The following NCAM2 variants were observed in gnomAD, a reference collection of about 807,000 sequenced individuals.
NCAM2 encodes the protein neural cell adhesion molecule 2, also known as N-CAM-2.
A neutral mutation model predicts 98.1 loss-of-function variants in NCAM2; 30 were observed. That is an observed-to-expected ratio of 0.31 (90% confidence interval 0.23 to 0.41). The LOEUF (loss-of-function observed/expected upper bound fraction) is 0.41, where lower values mean the gene tolerates loss of function less well. Among genes scored for constraint, NCAM2 ranks in the 10% least tolerant of loss-of-function variants. The pLI, the probability that NCAM2 is intolerant of heterozygous loss-of-function variation, is 1.00. For missense variants in NCAM2, 867 were observed against 1,005.8 expected, an observed-to-expected ratio of 0.86 and a Z score of 1.87; for synonymous variants, 368 against 342.4, an observed-to-expected ratio of 1.07 and a Z score of -0.83.
intron 7 of NCAM2, among the ~76,000 whole-genome samples, chr21:21,338,035 ATGTGCCTTTAAAGGAAGAAATTTTGATTT>A (rs2074925737): frequency 1.3e-5 from 2 of 152,108 alleles, no homozygotes; most frequent in Non-Finnish European, 2.9e-5. Flanking sequence ...ACCCATATGC[ATGTGCCTTTAAAGGAAGAAATTTTGATTT>A]TGTGGCTTTA....
intron 1 of NCAM2, among the ~76,000 whole-genome samples, chr21:21,265,674 C>T (rs2072241054): frequency 6.6e-6 from 1 of 151,376 alleles, no homozygotes; most frequent in Non-Finnish European, 1.5e-5. Context: ...AAAACAAATG[C>T]CACATATTCT....
At chr21:21,081,428 G>A (rs1033325831) in intron 1 of NCAM2, among the ~76,000 whole-genome samples, 1 of 152,122 alleles carries the variant, frequency 6.6e-6, no homozygotes, top group African/African-American at 2.4e-5. Flanking sequence ...CATTCCTGGT[G>A]TGTGTTGAGG....
intron 17 of NCAM2, among the ~76,000 whole-genome samples, chr21:21,535,926 A>C (rs1989957788): frequency 6.6e-6 from 1 of 152,156 alleles, no homozygotes; most frequent in East Asian, 1.9e-4. Context: ...CAATTTGGTG[A>C]AAGCACTGGG....
At chr21:21,213,089 G>T (rs2069727526) in intron 1 of NCAM2, among the ~76,000 whole-genome samples, 1 of 152,084 alleles carries the variant, frequency 6.6e-6, no homozygotes, top group East Asian at 1.9e-4. Flanking sequence ...CCCCAAATGA[G>T]TCAATGTATG....
intron 8 of NCAM2, among the ~76,000 whole-genome samples, chr21:21,342,332 G>C (rs2075065309): frequency 6.6e-6 from 1 of 152,142 alleles, no homozygotes; most frequent in Non-Finnish European, 1.5e-5. Flanking sequence ...ATATCACTTG[G>C]AATCTCTAAT....
At chr21:21,021,851 G>A (rs1025285388) in intron 1 of NCAM2, among the ~76,000 whole-genome samples, 6 of 151,970 alleles carry the variant, frequency 3.9e-5, no homozygotes, top group East Asian at 1.9e-4. Context: ...TGTTAATCTC[G>A]TCCTCTAAAT....
In NCAM2 at chr21:21,265,485, T is replaced by C. The variant is rs138405558; in HGVS notation, c.56-15093T>C. Among the ~76,000 whole-genome samples, 1,259 of 139,470 alleles carry C rather than the reference T, an allele frequency of 9.0e-3. 23 individuals are homozygous for C. Among genetic ancestry groups the C allele is most frequent in the African/African-American group, 0.033 (1,207 of 36,752 alleles). The allele number at this position is 139,470 out of a possible 152,430, so 91.5% of individuals were successfully genotyped here. On this transcript the variant is annotated intron_variant, in intron 1 of 17. Transcript: ENST00000400546. Reference sequence around the variant, plus strand: ...TATATGTGTGTATATATATTATATATACACATATATAATATATGTGTGTAT... The same window carrying C: ...TATATGTGTGTATATATATTATATACACACATATATAATATATGTGTGTAT...
At chr21:21,093,283 A>T (rs964826873) in intron 1 of NCAM2, among the ~76,000 whole-genome samples, 15 of 151,970 alleles carry the variant, frequency 9.9e-5, no homozygotes, top group African/African-American at 3.6e-4. Flanking sequence ...TTCTTCAGGG[A>T]ACTGTCCCTT....
chr21:20,998,640 G>A (rs1242008548), intron 1 of NCAM2, 22 bp downstream of exon 1: 1 of 1,611,842 alleles, frequency 6.2e-7, no homozygotes, highest in Non-Finnish European at 8.5e-7. Flanking sequence ...GCGCTTTATT[G>A]CATTTACTTT....
At chr21:21,083,109 ATAGTAG>A (rs1161573773) in intron 1 of NCAM2, among the ~76,000 whole-genome samples, 1 of 152,196 alleles carries the variant, frequency 6.6e-6, no homozygotes, top group Non-Finnish European at 1.5e-5. Context: ...ATAATCAGTA[ATAGTAG>A]TAGTAACAAC....
chr21:21,284,109 ATAT>A, intron 2 of NCAM2, 82 bp from the exon 3 acceptor site: 2 of 1,014,556 alleles, frequency 2.0e-6, no homozygotes, highest in Admixed American at 4.2e-5. Flanking sequence ...TAAATGGTTA[ATAT>A]TATTACATAA....
chr21:21,432,328 C>G (rs1275457043), intron 12 of NCAM2, 47 bp downstream of exon 12: 1 of 1,557,898 alleles, frequency 6.4e-7, no homozygotes, highest in South Asian at 1.1e-5. Flanking sequence ...AGCTGATCTT[C>G]AGTATACCTG....
chr21:21,365,238 C>CGTGTGT (rs66559489), intron 8 of NCAM2, among the ~76,000 whole-genome samples: 7,411 of 146,930 alleles, frequency 0.05, 276 homozygotes, highest in East Asian at 0.14. Flanking sequence ...TTGCTTAGTG[C>CGTGTGT]GTGTGTGTGT....
At chr21:21,530,288 TTA>T (rs1316358063) in intron 16 of NCAM2, among the ~76,000 whole-genome samples, 2 of 126,312 alleles carry the variant, frequency 1.6e-5, no homozygotes, top group African/African-American at 3.0e-5. Context: ...TTTAATTTAA[TTA>T]TATATAATTA....
At chr21:21,275,534 T>G (rs951440092) in intron 1 of NCAM2, among the ~76,000 whole-genome samples, 8 of 152,164 alleles carry the variant, frequency 5.3e-5, no homozygotes, top group South Asian at 4.1e-4. Context: ...ATTAACTGAT[T>G]ATGAGAAATA....
At chr21:21,280,172 G>C (rs1016073349) in intron 1 of NCAM2, among the ~76,000 whole-genome samples, 1 of 12,376 alleles carries the variant, frequency 8.1e-5, no homozygotes, top group African/African-American at 2.1e-4. Context: ...TAATTTGCGT[G>C]TGTGTGTGTG....
intron 1 of NCAM2, among the ~76,000 whole-genome samples, chr21:21,090,975 A>T (rs1448831481): frequency 6.6e-6 from 1 of 152,042 alleles, no homozygotes; most frequent in African/African-American, 2.4e-5. Context: ...ATTCACTACC[A>T]TTGGATGTCT....
At chr21:21,212,699 A>G (rs914338666) in intron 1 of NCAM2, among the ~76,000 whole-genome samples, 5 of 150,148 alleles carry the variant, frequency 3.3e-5, no homozygotes, top group Non-Finnish European at 5.9e-5. Flanking sequence ...AGGTGTCTCT[A>G]TATTGCTTCT....
intron 5 of NCAM2, among the ~76,000 whole-genome samples, chr21:21,315,066 A>T (rs2074177509): frequency 6.6e-6 from 1 of 151,994 alleles, no homozygotes; most frequent in Non-Finnish European, 1.5e-5. Flanking sequence ...GAAAATGCTC[A>T]CTTTTTTTGT....
Sources: gnomAD v4.1 joint callset for allele counts (sites outside exome capture counted in the v4.1 genomes callset) on GRCh38, gnomAD v4.1.1 for gene constraint, MANE v1.5 for transcripts, NCBI Gene and HGNC (gene_info 2026-07-23, HGNC 2026-07-21) for gene names.